GABRG3: variants seen among roughly 807,000 people sequenced by gnomAD.
GABRG3 encodes the protein gamma-aminobutyric acid receptor subunit gamma-3.
Under a neutral mutation model 48.8 loss-of-function variants are expected in GABRG3, and 25 were observed. The ratio of observed to expected loss-of-function variants is 0.51; its 90% confidence interval spans 0.37 to 0.72. GABRG3 has a LOEUF of 0.72. Among genes scored for constraint, GABRG3 ranks in the 30% least tolerant of loss-of-function variants. The pLI is 0.00. For synonymous variants in GABRG3, 227 were observed against 217.6 expected (o/e 1.04, Z -0.38); for missense variants, 394 against 577.9 (o/e 0.68, Z 3.26).
intron 3 of GABRG3, among the ~76,000 whole-genome samples, chr15:27,308,343 A>G (rs1315244717): frequency 3.1e-5 from 4 of 128,908 alleles, no homozygotes; most frequent in Non-Finnish European, 6.7e-5. Flanking sequence ...TAAACATAAT[A>G]TAAACATACG....
chr15:26,983,395 C>G (rs1200224753), intron 2 of GABRG3, among the ~76,000 whole-genome samples: 1 of 152,136 alleles, frequency 6.6e-6, no homozygotes, highest in Non-Finnish European at 1.5e-5. Flanking sequence ...AAGAAGGGGA[C>G]TCTCCAGATA....
At chr15:27,274,457 A>G (rs975775281) in intron 3 of GABRG3, among the ~76,000 whole-genome samples, 4 of 152,062 alleles carry the variant, frequency 2.6e-5, no homozygotes, top group African/African-American at 7.2e-5. Flanking sequence ...AGAGGCACCA[A>G]ATCCAAGGGC....
intron 5 of GABRG3, among the ~76,000 whole-genome samples, chr15:27,394,530 T>C (rs951057448): frequency 6.6e-6 from 1 of 152,180 alleles, no homozygotes; most frequent in Non-Finnish European, 1.5e-5. Context: ...CCTATATAAT[T>C]ACATTTACCA....
Position 27,099,745 on chromosome 15 carries a change from C to G in GABRG3, c.270+72924C>G, listed in dbSNP as rs1265442371. On this transcript the variant is annotated intron_variant, in intron 3 of 9. Coordinates refer to ENST00000615808, the MANE Select transcript of GABRG3 (RefSeq NM_033223.5). ...AAATCCCATAAAATGTTCAAGAATC[C>G]CTGGAAAGATAAGAGAAGTAGAAGA... 2.6e-5 allele frequency among the ~76,000 whole-genome samples: 4 copies of G among 151,296 alleles called. No individual in the cohort carries two copies. In the East Asian group the frequency reaches 7.7e-4, roughly 29 times the overall value.
chr15:27,148,682 A>G (rs2098871955), intron 3 of GABRG3, among the ~76,000 whole-genome samples: 1 of 152,054 alleles, frequency 6.6e-6, no homozygotes, highest in Non-Finnish European at 1.5e-5. Flanking sequence ...AAAAAATGCA[A>G]GGATGGTTCA....
intron 9 of GABRG3, chr15:27,530,785 C>T: frequency 2.2e-6 from 1 of 463,266 alleles, no homozygotes; most frequent in Non-Finnish European, 4.5e-6. Flanking sequence ...CGGTAGCTCC[C>T]AGTTCCATCC....
intron 5 of GABRG3, among the ~76,000 whole-genome samples, chr15:27,456,355 A>G: frequency 6.6e-6 from 1 of 152,234 alleles, no homozygotes; most frequent in East Asian, 1.9e-4. Flanking sequence ...CACTGGGTCA[A>G]CTGCTAATTC....
chr15:27,492,925 T>A (rs1166077913), intron 6 of GABRG3, among the ~76,000 whole-genome samples: 1 of 129,546 alleles, frequency 7.7e-6, no homozygotes, highest in African/African-American at 3.0e-5. Context: ...CATAATATAA[T>A]GTTAGGTAAA....
At position 27,045,545 on chromosome 15, in the gene GABRG3, T is replaced by G. The variant is rs143281675; in HGVS notation, c.270+18724T>G. Among the ~76,000 whole-genome samples the G allele has an allele frequency of 3.9e-5, 6 of 152,308 alleles. No homozygotes were observed. The East Asian group carries it at 1.2e-3, about 29-fold the overall frequency. ...ATATATGCTTTGGCAACAATCAATTTAAGCAGCTCTCAGCTAGAGCACAAA... is the reference window on the plus strand; with the variant it reads ...ATATATGCTTTGGCAACAATCAATTGAAGCAGCTCTCAGCTAGAGCACAAA... On this transcript the variant is annotated intron_variant, in intron 3 of 9. Transcript: ENST00000615808.
chr15:27,514,570 C>G (rs1170628904), intron 6 of GABRG3, among the ~76,000 whole-genome samples: 1 of 152,156 alleles, frequency 6.6e-6, no homozygotes, highest in African/African-American at 2.4e-5. Context: ...GATTTTGGGT[C>G]TTAATTACAT....
chr15:26,991,544 T>C, intron 2 of GABRG3, among the ~76,000 whole-genome samples: 1 of 152,202 alleles, frequency 6.6e-6, no homozygotes, highest in Non-Finnish European at 1.5e-5. Context: ...ATATTTATTC[T>C]TCCAATCCAT....
At chr15:27,505,829 G>A (rs568035277) in intron 6 of GABRG3, among the ~76,000 whole-genome samples, 1 of 152,248 alleles carries the variant, frequency 6.6e-6, no homozygotes, top group East Asian at 1.9e-4. Flanking sequence ...AGATTACATA[G>A]AATTGGTGCT....
chr15:27,300,678 CA>C (rs10600874), intron 3 of GABRG3, among the ~76,000 whole-genome samples: 2,876 of 101,068 alleles, frequency 0.028, 34 homozygotes, highest in African/African-American at 0.043. Context: ...AATAAATAAG[CA>C]AAAAAAAAAA....
At chr15:27,205,302 A>C (rs763179029) in intron 3 of GABRG3, among the ~76,000 whole-genome samples, 1 of 152,074 alleles carries the variant, frequency 6.6e-6, no homozygotes, top group Non-Finnish European at 1.5e-5. Flanking sequence ...TTTTGTCTCT[A>C]TTGAGATGAT....
rs1424875744 is a variant in GABRG3, at chr15:27,534,400, C to T, written c.*1519C>T. ...GCTTGCTGTTAGTTCTTTGTTATAA[C>T]TGGATGCCAATGTGAACTGCAGAAG... On this transcript the variant is annotated 3_prime_UTR_variant, in exon 10 of 10. Transcript: ENST00000615808. The T allele has an allele frequency of 1.3e-5, 2 of 152,250 alleles. No individual in the cohort carries two copies. Among genetic ancestry groups the T allele is most frequent in the East Asian group, 3.9e-4 (2 of 5,184 alleles). The allele number at this position is 152,250 out of a possible 1,614,324, so 9.4% of individuals were successfully genotyped here. A position where few individuals can be genotyped will look rare whatever the true frequency, so the allele number is the denominator to read the frequency against.
intron 4 of GABRG3, 58 bp from the exon 5 acceptor site, chr15:27,328,748 C>A: frequency 6.7e-7 from 1 of 1,494,868 alleles, no homozygotes; most frequent in Non-Finnish European, 9.3e-7. Context: ...GCCGTAACGG[C>A]CGCCGGCCTT....
intron 3 of GABRG3, among the ~76,000 whole-genome samples, chr15:27,189,658 G>A (rs1595574908): frequency 1.3e-5 from 2 of 152,154 alleles, no homozygotes; most frequent in South Asian, 4.1e-4. Flanking sequence ...TAGATATACA[G>A]TCATGTCGTC....
At chr15:27,268,536 A>G (rs1371560057) in intron 3 of GABRG3, among the ~76,000 whole-genome samples, 5 of 151,410 alleles carry the variant, frequency 3.3e-5, no homozygotes, top group African/African-American at 9.7e-5. Context: ...TGATTTTTAT[A>G]TTTCCTTTCT....
chr15:27,238,520 T>C (rs1377511163), intron 3 of GABRG3, among the ~76,000 whole-genome samples: 1 of 152,234 alleles, frequency 6.6e-6, no homozygotes, highest in Non-Finnish European at 1.5e-5. Flanking sequence ...AATTATGTAC[T>C]GTGTCCCTCC....
Sources: allele counts gnomAD v4.1 joint callset (sites outside exome capture counted in the v4.1 genomes callset), GRCh38; gene constraint gnomAD v4.1.1; transcripts MANE v1.5; gene names NCBI Gene and HGNC (gene_info 2026-07-23, HGNC 2026-07-21).